The following WWOX variants were observed in gnomAD, a reference collection of about 807,000 sequenced individuals.
WWOX encodes the protein WW domain containing oxidoreductase.
WWOX carries 69 observed loss-of-function variants against 46.2 expected under a neutral mutation model. The ratio of observed to expected loss-of-function variants is 1.49; its 90% CI spans 1.23 to 1.82. The LOEUF (loss-of-function observed/expected upper bound fraction) is 1.82, where lower values mean the gene tolerates loss of function less well. Ranked by LOEUF, WWOX falls within the 40% of genes most tolerant of loss-of-function variation. The pLI, the probability that WWOX is intolerant of heterozygous loss-of-function variation, is 0.00. For synonymous variants in WWOX, 359 were observed against 202.6 expected (o/e 1.77, Z -6.56); for missense variants, 919 against 542.6 (o/e 1.69, Z -6.89).
At chr16:79,061,941 G>A (rs1405469308) in intron 8 of WWOX, among the ~76,000 whole-genome samples, 1 of 152,142 alleles carries the variant, frequency 6.6e-6, no homozygotes, top group African/African-American at 2.4e-5. Context: ...TGGGAAAGTG[G>A]GACTTCAGAC....
chr16:78,503,764 G>A (rs1054464852), intron 8 of WWOX: 4 of 152,190 alleles, frequency 2.6e-5, no homozygotes, highest in Admixed American at 1.3e-4. Flanking sequence ...GAAGGCCTGC[G>A]AGTATTTCTG....
intron 8 of WWOX, among the ~76,000 whole-genome samples, chr16:78,767,611 T>C (rs1253942183): frequency 6.6e-6 from 1 of 152,170 alleles, no homozygotes; most frequent in Non-Finnish European, 1.5e-5. Context: ...CGTCGTTTCG[T>C]ATCTGTGTGC....
At position 78,239,556 on chromosome 16, in the gene WWOX, A is replaced by G. The variant is rs549771748; in HGVS notation, c.516+75267A>G. ...TTCTAGCTTTTTTTCTTTTTTTGAG[A>G]CAGGGTCTCGCTTTGTCATACAGGC... On this transcript the variant is annotated intron_variant, in intron 5 of 8. Coordinates refer to ENST00000566780, the MANE Select transcript of WWOX (RefSeq NM_016373.4). Among the ~76,000 whole-genome samples the G allele has an allele frequency of 2.0e-5, 3 of 151,936 alleles. No individual in the cohort carries two copies. In the South Asian group the frequency reaches 6.3e-4, roughly 32 times the overall value.
At chr16:78,337,989 G>A (rs976950703) in intron 5 of WWOX, among the ~76,000 whole-genome samples, 2 of 119,424 alleles carry the variant, frequency 1.7e-5, no homozygotes, top group South Asian at 5.0e-4. Context: ...AGGTCACTTG[G>A]CAACCAAGCT....
intron 8 of WWOX, among the ~76,000 whole-genome samples, chr16:78,497,489 T>C (rs2667592): frequency 0.078 from 11,765 of 151,768 alleles, 474 homozygotes; most frequent in African/African-American, 0.087. Flanking sequence ...ATCTAAAAAA[T>C]TTCTTTACAG....
rs371840417 is a variant in WWOX at position 78,445,130 on chromosome 16, G to T, written c.1056+12378G>T. Among the ~76,000 whole-genome samples, 22 of 152,320 alleles carry T rather than the reference G, an allele frequency of 1.4e-4. No individual in the cohort carries two copies. In the East Asian group the frequency reaches 4.1e-3, roughly 28 times the overall value. On this transcript the variant is annotated intron_variant, in intron 8 of 8. Transcript: ENST00000566780. ...TACCACCTCGTGGGGTGAAGGGAAA[G>T]AAATGATACAGGTGTACATCAGGGT...
chr16:78,606,723 T>G (rs900746975), intron 8 of WWOX, among the ~76,000 whole-genome samples: 3 of 147,584 alleles, frequency 2.0e-5, no homozygotes, highest in African/African-American at 7.4e-5. Context: ...TTGCAGTTTT[T>G]TTTTTTTTTT....
chr16:78,605,934 C>T (rs995503245), intron 8 of WWOX, among the ~76,000 whole-genome samples: 7 of 152,148 alleles, frequency 4.6e-5, no homozygotes, highest in Admixed American at 6.5e-5. Flanking sequence ...CTGAAACATG[C>T]GCATTTGTAA....
chr16:79,148,529 T>A (rs1023940447), intron 8 of WWOX, among the ~76,000 whole-genome samples: 8 of 152,268 alleles, frequency 5.3e-5, no homozygotes, highest in African/African-American at 1.9e-4. Context: ...TTTATTAAGA[T>A]TATTTTAGCT....
At chr16:78,530,942 G>C (rs1344583216) in intron 8 of WWOX, among the ~76,000 whole-genome samples, 2 of 152,208 alleles carry the variant, frequency 1.3e-5, no homozygotes, top group Non-Finnish European at 2.9e-5. Flanking sequence ...TCACTTAGTT[G>C]AGGGATGAAA....
chr16:78,910,170 C>T (rs2045071532), intron 8 of WWOX, among the ~76,000 whole-genome samples: 1 of 152,028 alleles, frequency 6.6e-6, no homozygotes, highest in African/African-American at 2.4e-5. Flanking sequence ...CCTTTTTGGT[C>T]AGGCATAGAT....
chr16:78,745,423 G>T (rs1597535563), intron 8 of WWOX, among the ~76,000 whole-genome samples: 1 of 149,640 alleles, frequency 6.7e-6, no homozygotes, highest in East Asian at 2.0e-4. Flanking sequence ...TGTCATGCCT[G>T]TTATTCTTTT....
At chr16:79,117,756 A>T (rs141035925) in intron 8 of WWOX, among the ~76,000 whole-genome samples, 3 of 152,306 alleles carry the variant, frequency 2.0e-5, no homozygotes, top group African/African-American at 7.2e-5. Context: ...TTTGTTATGG[A>T]GACGGCTTTC....
intron 8 of WWOX, among the ~76,000 whole-genome samples, chr16:78,929,264 T>C (rs1275991289): frequency 6.6e-6 from 1 of 152,082 alleles, no homozygotes; most frequent in Admixed American, 6.6e-5. Flanking sequence ...ATTTTTTTTT[T>C]TGTATTTAAG....
At chr16:78,768,547 GCCGCTGCACT>G (rs1377822857) in intron 8 of WWOX, among the ~76,000 whole-genome samples, 3 of 150,980 alleles carry the variant, frequency 2.0e-5, no homozygotes, top group Non-Finnish European at 4.4e-5. Flanking sequence ...CGGAGACTGC[GCCGCTGCACT>G]CCAGCCTGGG....
intron 5 of WWOX, among the ~76,000 whole-genome samples, chr16:78,231,753 G>T (rs1356568889): frequency 6.6e-6 from 1 of 152,188 alleles, no homozygotes; most frequent in Admixed American, 6.5e-5. Context: ...AGGAGTAGCT[G>T]ATTCAGAGAA....
At chr16:78,976,382 G>A (rs1022416932) in intron 8 of WWOX, among the ~76,000 whole-genome samples, 1 of 152,178 alleles carries the variant, frequency 6.6e-6, no homozygotes, top group African/African-American at 2.4e-5. Context: ...CAGCACTCAG[G>A]GCTGTGTGGT....
At chr16:78,245,780 C>T (rs939522594) in intron 5 of WWOX, among the ~76,000 whole-genome samples, 2 of 152,144 alleles carry the variant, frequency 1.3e-5, no homozygotes, top group African/African-American at 2.4e-5. Flanking sequence ...TGCGGTACAG[C>T]GCAGACAATA....
chr16:78,394,508 T>C (rs935852193), intron 6 of WWOX, among the ~76,000 whole-genome samples: 31 of 152,314 alleles, frequency 2.0e-4, no homozygotes, highest in African/African-American at 6.7e-4. Flanking sequence ...TCTGAAACTT[T>C]TTCAGCATTC....
Sources: gnomAD v4.1 joint callset for allele counts (sites outside exome capture counted in the v4.1 genomes callset) on GRCh38, gnomAD v4.1.1 for gene constraint, MANE v1.5 for transcripts, NCBI Gene and HGNC (gene_info 2026-07-23, HGNC 2026-07-21) for gene names.